ITIH5: variants seen among roughly 807,000 people sequenced by gnomAD.
ITIH5 encodes inter-alpha-trypsin inhibitor heavy chain H5.
ITIH5 carries 65 observed loss-of-function variants against 77.5 expected under a neutral mutation model. The ratio of observed to expected loss-of-function variants is 0.84; its 90% confidence interval spans 0.69 to 1.03. The LOEUF (loss-of-function observed/expected upper bound fraction) is 1.03. Ranked by LOEUF, ITIH5 falls within the 50% of genes least tolerant of loss-of-function variation. The pLI is 0.00. For synonymous variants in ITIH5, 525 were observed against 494.3 expected, an observed-to-expected ratio of 1.06 and a Z score of -0.82; for missense variants, 1,208 against 1,213.1, an observed-to-expected ratio of 1.00 and a Z score of 0.06.
intron 5 of ITIH5, among the ~76,000 whole-genome samples, chr10:7,632,990 G>A (rs1039734719): frequency 2.0e-5 from 3 of 152,176 alleles, no homozygotes; most frequent in Non-Finnish European, 4.4e-5. Flanking sequence ...AAAGACAGTA[G>A]AGTAACCAGC....
In ITIH5 at chr10:7,576,719, T is replaced by C. The variant is rs780761263; in HGVS notation, c.1712A>G (p.Asn571Ser). 19 of 1,614,164 alleles carry C rather than the reference T, an allele frequency of 1.2e-5. No homozygotes were observed. In the South Asian group the frequency reaches 1.4e-4, roughly 12 times the overall value. Residue 571 changes from asparagine to serine, a missense_variant, in exon 10 of 14, where the codon AAC (asparagine) becomes AGC (serine). Transcript: ENST00000397146. ...GTAGCTCCAGAGACGCTCGATGTGG[T>C]TGGTGTCCCCCTCTCCATCGCCTCC... Reference protein sequence around the residue: ...RPGGDGEGDTNHIERLWSYLT... With the variant: ...RPGGDGEGDTSHIERLWSYLT...
chr10:7,565,975 TG>T, intron 13 of ITIH5, 54 bp downstream of exon 13: 1 of 1,555,960 alleles, frequency 6.4e-7, no homozygotes. Context: ...CAGCTTTGCT[TG>T]GGAAATGTAA....
intron 7 of ITIH5, 87 bp from the exon 8 acceptor site, chr10:7,586,156 GA>G: frequency 8.1e-7 from 1 of 1,227,312 alleles, no homozygotes; most frequent in Non-Finnish European, 1.1e-6. Flanking sequence ...CGCCCCCCAG[GA>G]AAAATGTCAG....
chr10:7,596,249 G>A (rs963103049), intron 7 of ITIH5, among the ~76,000 whole-genome samples: 1 of 152,166 alleles, frequency 6.6e-6, no homozygotes, highest in African/African-American at 2.4e-5. Context: ...AGCCCAAGGA[G>A]CTTCAGGCTT....
chr10:7,637,550 A>G, intron 4 of ITIH5, 72 bp from the exon 5 acceptor site: 4 of 1,498,030 alleles, frequency 2.7e-6, no homozygotes, highest in East Asian at 4.5e-5. Context: ...CAGTCCCCAC[A>G]GGGCACCAGC....
At chr10:7,615,749 G>A (rs929442841) in intron 7 of ITIH5, among the ~76,000 whole-genome samples, 2 of 152,206 alleles carry the variant, frequency 1.3e-5, no homozygotes, top group African/African-American at 4.8e-5. Context: ...TGCCAGTGCT[G>A]TTTATTTCAA....
intron 5 of ITIH5, chr10:7,622,614 A>G (rs971058731): frequency 5.5e-4 from 84 of 152,376 alleles, no homozygotes; most frequent in African/African-American, 1.9e-3. Flanking sequence ...GAAAAAAACA[A>G]TATTTTAAAA....
chr10:7,589,226 G>A (rs531953451), intron 7 of ITIH5, among the ~76,000 whole-genome samples: 3 of 152,366 alleles, frequency 2.0e-5, no homozygotes, highest in Non-Finnish European at 2.9e-5. Context: ...GGGAGGCTGA[G>A]GCGGGCAAAT....
At chr10:7,599,797 T>C (rs1169121472) in intron 7 of ITIH5, among the ~76,000 whole-genome samples, 1 of 152,142 alleles carries the variant, frequency 6.6e-6, no homozygotes, top group Admixed American at 6.5e-5. Flanking sequence ...CAAATGTAGA[T>C]TGTATATACA....
chr10:7,563,386 T>A lies in ITIH5; in HGVS notation c.2528-2A>T. The A allele has an allele frequency of 6.2e-7, 1 of 1,608,770 alleles. No homozygotes were observed. Among genetic ancestry groups the A allele is most frequent in the Non-Finnish European group, 8.5e-7 (1 of 1,175,902 alleles). On this transcript the variant is annotated splice_acceptor_variant, in intron 13 of 13. Coordinates refer to ENST00000397146, the MANE Select transcript of ITIH5 (RefSeq NM_030569.7). LOFTEE classifies it high-confidence loss of function. The stretch of plus-strand genomic sequence containing the variant: ...TGGCATCCTGATTCAGGAACTGACC[T>A]GGGAGGACAAGGAAAAGCATCGGGT...
intron 7 of ITIH5, among the ~76,000 whole-genome samples, chr10:7,596,643 C>T (rs553359150): frequency 2.0e-5 from 3 of 152,304 alleles, no homozygotes; most frequent in African/African-American, 4.8e-5. Context: ...CATCACTTGC[C>T]TCAGTCTAAA....
rs1413739423 is a variant in ITIH5, at chr10:7,637,392, A to G, written c.488T>C (p.Leu163Pro). 1 of 1,614,112 alleles carries G rather than the reference A, an allele frequency of 6.2e-7. No individual in the cohort carries two copies. Among genetic ancestry groups the G allele is most frequent in the African/African-American group, 1.3e-5 (1 of 74,938 alleles). The stretch of plus-strand genomic sequence containing the variant: ...CTCGTACTTGCCCAGGCGCCTCTGC[A>G]GAAGCTCCTCATAACTCAGGAAAAA... ...AAFFLSYEEL[L>P]QRRLGKYEHS... The change falls in exon 5 of 14, where the codon CTG becomes CCG. Residue 163 changes from leucine to proline, a missense_variant. Leu to Pro is a moderately conservative substitution (Grantham distance 98). Transcript: ENST00000397146.
chr10:7,614,138 CAGAG>C (rs1833315861), intron 7 of ITIH5, among the ~76,000 whole-genome samples: 1 of 152,146 alleles, frequency 6.6e-6, no homozygotes, highest in African/African-American at 2.4e-5. Flanking sequence ...CAGACAAAGA[CAGAG>C]AATTATTTTT....
At chr10:7,573,479 C>T (rs1588362750) in intron 10 of ITIH5, among the ~76,000 whole-genome samples, 1 of 150,186 alleles carries the variant, frequency 6.7e-6, no homozygotes, top group East Asian at 2.0e-4. Flanking sequence ...CCGGCCTGGG[C>T]AATATAGTGA....
At chr10:7,641,286 G>A (rs1833880576) in intron 3 of ITIH5, among the ~76,000 whole-genome samples, 1 of 152,092 alleles carries the variant, frequency 6.6e-6, no homozygotes, top group Non-Finnish European at 1.5e-5. Context: ...CACCATGGAG[G>A]AGGAAGAGCC....
intron 2 of ITIH5, among the ~76,000 whole-genome samples, chr10:7,650,883 T>G (rs1209309141): frequency 6.6e-6 from 1 of 152,170 alleles, no homozygotes; most frequent in Non-Finnish European, 1.5e-5. Context: ...CACCTACTTG[T>G]GCTAATACAG....
At chr10:7,577,713 A>C (rs987498852) in intron 9 of ITIH5, among the ~76,000 whole-genome samples, 1 of 152,242 alleles carries the variant, frequency 6.6e-6, no homozygotes, top group Admixed American at 6.5e-5. Context: ...CAAAAGGCCT[A>C]GAAACCATAG....
intron 7 of ITIH5, among the ~76,000 whole-genome samples, chr10:7,597,733 C>G (rs5010830): frequency 0.93 from 140,877 of 152,184 alleles, 66,229 homozygotes; most frequent in East Asian, 1. Flanking sequence ...TCCCCAGGCT[C>G]TGGGTGTCCA....
rs896264688 is a variant in ITIH5 at position 7,645,758 on chromosome 10, G to C, written c.136-3668C>G. On this transcript the variant is annotated intron_variant, in intron 2 of 13. Coordinates refer to ENST00000397146, the MANE Select transcript of ITIH5 (RefSeq NM_030569.7). ...AAAATCTGTCTCTCTCCTCCAAAGC[G>C]ATTAGGATTAAAAAAGAGACTCCAA... 2.6e-5 allele frequency among the ~76,000 whole-genome samples: 4 copies of C among 152,158 alleles called. No homozygotes were observed. In the South Asian group the frequency reaches 6.2e-4, roughly 24 times the overall value.
Sources: allele counts gnomAD v4.1 joint callset (sites outside exome capture counted in the v4.1 genomes callset), GRCh38; gene constraint gnomAD v4.1.1; transcripts MANE v1.5; gene names NCBI Gene and HGNC (gene_info 2026-07-23, HGNC 2026-07-21).